The following FYN variants were observed in gnomAD, a reference collection of about 807,000 sequenced individuals.
FYN encodes the protein FYN proto-oncogene, Src family tyrosine kinase.
FYN carries 10 observed loss-of-function variants against 70.2 expected under a neutral mutation model. The ratio of observed to expected loss-of-function variants is 0.14; its 90% CI spans 0.09 to 0.24. The LOEUF (loss-of-function observed/expected upper bound fraction) is 0.24, where lower values mean the gene tolerates loss of function less well. FYN is among the 10% of genes least tolerant of loss of function. The pLI, the probability that FYN is intolerant of heterozygous loss-of-function variation, is 1.00. For missense variants in FYN, 319 were observed against 673.1 expected (o/e 0.47, Z 5.82); for synonymous variants, 236 against 248.6 (o/e 0.95, Z 0.48).
intron 3 of FYN, among the ~76,000 whole-genome samples, chr6:111,755,513 A>T (rs1424283502): frequency 2.0e-5 from 3 of 152,192 alleles, no homozygotes; most frequent in Non-Finnish European, 4.4e-5. Context: ...GAATGAAGAG[A>T]TTTAATCTAA....
At chr6:111,840,735 C>G (rs1367011249) in intron 2 of FYN, among the ~76,000 whole-genome samples, 1 of 152,220 alleles carries the variant, frequency 6.6e-6, no homozygotes, top group Non-Finnish European at 1.5e-5. Context: ...AACTGCAGCT[C>G]TGCTCTTAAA....
At chr6:111,751,740 G>A (rs1018143716) in intron 3 of FYN, among the ~76,000 whole-genome samples, 16 of 151,696 alleles carry the variant, frequency 1.1e-4, no homozygotes, top group African/African-American at 2.7e-4. Flanking sequence ...TTCTACCTAC[G>A]CCTCCCAGTA....
In FYN at chr6:111,694,322, A is replaced by AG; in HGVS notation, c.1273+52_1273+53insC. The AG allele has an allele frequency of 6.3e-7, 1 of 1,596,964 alleles. No individual in the cohort carries two copies. The highest frequency in any genetic ancestry group is 1.1e-5 in the South Asian group (1 of 90,094). On this transcript the variant is annotated intron_variant, in intron 12 of 13. Transcript: ENST00000354650. This position sits in a 1 kb window ranked among gnomAD's most constrained non-coding sequence, Gnocchi z 5.0. ...AAGGAGGAAGGAAGGGCTGTGCAGTAAGTGACTGTTCTCACAGCTGTGATC... is the reference window on the plus strand; with the variant it reads ...AAGGAGGAAGGAAGGGCTGTGCAGTAGAGTGACTGTTCTCACAGCTGTGATC...
intron 1 of FYN, among the ~76,000 whole-genome samples, chr6:111,867,347 C>A (rs1282767146): frequency 6.7e-6 from 1 of 148,820 alleles, no homozygotes; most frequent in African/African-American, 2.5e-5. Flanking sequence ...CCCAGCTACT[C>A]GGGAGGCTGA....
intron 2 of FYN, among the ~76,000 whole-genome samples, chr6:111,802,777 A>G (rs748257317): frequency 1.1e-4 from 15 of 130,548 alleles, no homozygotes; most frequent in Admixed American, 2.2e-4. Context: ...TTTCTGGCTG[A>G]AAAAAAAAAA....
chr6:111,841,917 T>C (rs17072986), intron 2 of FYN, among the ~76,000 whole-genome samples: 7,250 of 152,128 alleles, frequency 0.048, 288 homozygotes, highest in East Asian at 0.14. Context: ...ATAACAACTA[T>C]TTTTGGGCCA....
At chr6:111,751,628 CT>C (rs34223862) in intron 3 of FYN, among the ~76,000 whole-genome samples, 85,888 of 149,604 alleles carry the variant, frequency 0.57, 25,852 homozygotes, top group East Asian at 0.86. Context: ...CAAATTCTTT[CT>C]TTTTTTTTTT....
chr6:111,757,466 T>C (rs114062790), intron 3 of FYN, among the ~76,000 whole-genome samples: 281 of 152,376 alleles, frequency 1.8e-3, no homozygotes, highest in African/African-American at 6.5e-3. Flanking sequence ...TACTTTGAAC[T>C]GTGGTGAATC....
chr6:111,746,881 G>C (rs996811633), intron 3 of FYN, among the ~76,000 whole-genome samples: 2 of 150,832 alleles, frequency 1.3e-5, no homozygotes, highest in East Asian at 1.9e-4. Context: ...ATGAGAGACA[G>C]AGAGAGAGAG....
chr6:111,711,814 T>C (rs1287404462), intron 5 of FYN, among the ~76,000 whole-genome samples: 1 of 152,274 alleles, frequency 6.6e-6, no homozygotes, highest in Non-Finnish European at 1.5e-5. Context: ...TCCCTGTTAT[T>C]ACCCTTGACT....
intron 1 of FYN, among the ~76,000 whole-genome samples, chr6:111,857,338 G>A (rs1362151025): frequency 6.6e-6 from 1 of 152,164 alleles, no homozygotes; most frequent in Admixed American, 6.5e-5. Context: ...GGCAACTGAG[G>A]TCCTTCTCAG....
intron 13 of FYN, among the ~76,000 whole-genome samples, chr6:111,667,778 T>G (rs538578022): frequency 1.4e-3 from 207 of 152,374 alleles, no homozygotes; most frequent in African/African-American, 4.7e-3. Flanking sequence ...TTTTATAGCT[T>G]TCCATTTGTG....
At chr6:111,757,809 AAT>A (rs1802807004) in intron 3 of FYN, among the ~76,000 whole-genome samples, 1 of 152,232 alleles carries the variant, frequency 6.6e-6, no homozygotes, top group Admixed American at 6.5e-5. Flanking sequence ...TTCTTGATCC[AAT>A]TGCGTTCCCT....
rs369326017 is a variant in FYN at position 111,812,604 on chromosome 6, C to CTTT, written c.-81-31972_-81-31970dup. Among the ~76,000 whole-genome samples, 84 of 101,296 alleles carry CTTT rather than the reference C, an allele frequency of 8.3e-4. 1 individual carries two copies. The highest frequency in any genetic ancestry group is 2.4e-3 in the African/African-American group (70 of 29,376). 66.5% of individuals were successfully genotyped at this position (101,296 alleles called of 152,430 possible). ...GGAGGTAATTAAATCAGAAATTTTC[C>CTTT]TTTTTTTTTTTTTTTTTTTTTTTTT... On this transcript the variant is annotated intron_variant, in intron 2 of 13. Transcript: ENST00000354650.
At chr6:111,775,411 T>C (rs1770892749) in intron 3 of FYN, among the ~76,000 whole-genome samples, 2 of 152,322 alleles carry the variant, frequency 1.3e-5, no homozygotes, top group South Asian at 4.1e-4. Context: ...CTTTTCTTAG[T>C]GAGCAAGTGA....
rs937114081 is a variant in FYN, at chr6:111,810,155, T to C, written c.-81-29520A>G. 3.3e-4 allele frequency among the ~76,000 whole-genome samples: 50 copies of C among 152,266 alleles called. 1 individual carries two copies. The highest frequency in any genetic ancestry group is 1.1e-3 in the African/African-American group (47 of 41,550). ...ATATGACAGAGATGCCTATGATAAA[T>C]GATTAAGGATTAAGGTTTAAAGATT... On this transcript the variant is annotated intron_variant, in intron 2 of 13. Transcript: ENST00000354650.
chr6:111,821,816 G>A lies in FYN; in HGVS notation c.-82+24773C>T, dbSNP rs376029741. Reference sequence around the variant, plus strand: ...AAAAAAACCCCATCAACAAGTGGGCGAAGGATATGAACAGACACTTCTCAA... The same window carrying A: ...AAAAAAACCCCATCAACAAGTGGGCAAAGGATATGAACAGACACTTCTCAA... On this transcript the variant is annotated intron_variant, in intron 2 of 13. Coordinates refer to ENST00000354650, the MANE Select transcript of FYN (RefSeq NM_002037.5). Among the ~76,000 whole-genome samples the A allele has an allele frequency of 3.5e-3, 532 of 150,974 alleles. 3 individuals carry two copies. The highest frequency in any genetic ancestry group is 0.011 in the African/African-American group (458 of 41,322).
intron 3 of FYN, among the ~76,000 whole-genome samples, chr6:111,726,227 C>T (rs958310936): frequency 6.6e-6 from 1 of 152,212 alleles, no homozygotes; most frequent in Non-Finnish European, 1.5e-5. Context: ...TGTGAGCTAA[C>T]AGATGGATGT....
intron 1 of FYN, among the ~76,000 whole-genome samples, chr6:111,870,691 A>G (rs896624995): frequency 7.2e-5 from 11 of 152,208 alleles, no homozygotes; most frequent in African/African-American, 2.4e-4. Context: ...TTTGGAAAGG[A>G]GAAGATGGAA....
Sources: allele counts gnomAD v4.1 joint callset (sites outside exome capture counted in the v4.1 genomes callset), GRCh38; gene constraint gnomAD v4.1.1; non-coding constraint Gnocchi (gnomAD v3.1); transcripts MANE v1.5; gene names NCBI Gene and HGNC (gene_info 2026-07-23, HGNC 2026-07-21).